COQ8B: variants seen among roughly 807,000 people sequenced by gnomAD.
COQ8B encodes the protein coenzyme Q8B, also known as atypical kinase COQ8B, mitochondrial.
COQ8B carries 44 observed loss-of-function variants against 62.0 expected under a neutral mutation model. The observed-to-expected ratio is 0.71, with a 90% CI of 0.56 to 0.91. COQ8B has a LOEUF of 0.91. Among genes scored for constraint, COQ8B ranks in the 40% least tolerant of loss-of-function variants. The pLI, the probability that COQ8B is intolerant of heterozygous loss-of-function variation, is 0.00. For synonymous variants in COQ8B, 252 were observed against 289.9 expected (o/e 0.87, Z 1.33); for missense variants, 649 against 731.6 (o/e 0.89, Z 1.30).
At chr19:40,707,168 C>CTGA (rs1252568473) in intron 5 of COQ8B, among the ~76,000 whole-genome samples, 2 of 151,828 alleles carry the variant, frequency 1.3e-5, no homozygotes, top group Non-Finnish European at 2.9e-5. Flanking sequence ...ACTCAGGAGG[C>CTGA]TGAGGCAGGA....
At chr19:40,707,125 T>C (rs2604888) in intron 5 of COQ8B, among the ~76,000 whole-genome samples, 91,847 of 151,652 alleles carry the variant, frequency 0.61, 28,209 homozygotes, top group East Asian at 0.71. Flanking sequence ...AAAAATTAGC[T>C]GGGCATGGTG....
At chr19:40,710,338 G>C in intron 4 of COQ8B, among the ~76,000 whole-genome samples, 1 of 152,152 alleles carries the variant, frequency 6.6e-6, no homozygotes, top group African/African-American at 2.4e-5. Flanking sequence ...TCCACCTCCC[G>C]GGTTCAAGCG....
At chr19:40,696,178 G>T in intron 12 of COQ8B, 124 bp from the exon 13 acceptor site, 1 of 1,093,580 alleles carries the variant, frequency 9.1e-7, no homozygotes. Context: ...TCCCTGCCTG[G>T]CTGCCTCACT....
At chr19:40,709,826 AG>A (rs769630532) in intron 5 of COQ8B, among the ~76,000 whole-genome samples, 1 of 152,076 alleles carries the variant, frequency 6.6e-6, no homozygotes, top group Non-Finnish European at 1.5e-5. Context: ...TGAGCGACAG[AG>A]TGAGACTCCA....
rs984066721 is a variant in COQ8B, at chr19:40,691,911, G to A, written c.*124C>T. The A allele has an allele frequency of 5.3e-6, 5 of 936,978 alleles. No individual in the cohort carries two copies. Among genetic ancestry groups the A allele is most frequent in the African/African-American group, 1.7e-5 (1 of 59,470 alleles). 58.0% of individuals were successfully genotyped at this position (936,978 alleles called of 1,614,324 possible). A position where few individuals can be genotyped will look rare whatever the true frequency, so the allele number is the denominator to read the frequency against. On this transcript the variant is annotated 3_prime_UTR_variant, in exon 15 of 15. Coordinates refer to ENST00000324464, the MANE Select transcript of COQ8B (RefSeq NM_024876.4). ...GGATCCTGAGCTCCTGGGCCAAGGAGGAGAGCCAGGCAAGACTGGGAAGCC... is the reference window on the plus strand; with the variant it reads ...GGATCCTGAGCTCCTGGGCCAAGGAAGAGAGCCAGGCAAGACTGGGAAGCC...
In COQ8B at chr19:40,691,947, C is replaced by G; in HGVS notation, c.*88G>C. ...CAAGACTGGGAAGCCCAAGGGGGCT[C>G]CTCTGACCCAGGGCAGACGGGGAAG... On this transcript the variant is annotated 3_prime_UTR_variant, in exon 15 of 15. Coordinates refer to ENST00000324464, the MANE Select transcript of COQ8B (RefSeq NM_024876.4). The G allele has an allele frequency of 7.7e-7, 1 of 1,305,634 alleles. No individual in the cohort carries two copies. The highest frequency in any genetic ancestry group is 1.8e-5 in the South Asian group (1 of 55,210). 80.9% of individuals were successfully genotyped at this position (1,305,634 alleles called of 1,614,324 possible).
Position 40,692,319 on chromosome 19 carries a change from TGGCGAAAGGC to T in COQ8B, c.1341_1350del (p.Phe449ArgfsTer?). 1 of 1,613,542 alleles carries T rather than the reference TGGCGAAAGGC, an allele frequency of 6.2e-7. No individual in the cohort carries two copies. ...GACCCAAAGTCATAAGGGCCCTGGG[TGGCGAAAGGC>T]TCCCCCAGGATCATCACTGCCTCCA... On this transcript the variant is annotated frameshift_variant, in exon 15 of 15. Transcript: ENST00000324464. LOFTEE classifies it low-confidence loss of function (END_TRUNC).
chr19:40,701,632 G>T (rs931719530), intron 10 of COQ8B, among the ~76,000 whole-genome samples: 2 of 152,042 alleles, frequency 1.3e-5, no homozygotes, highest in Non-Finnish European at 2.9e-5. Flanking sequence ...GCATTTAATC[G>T]GCACACTCCC....
chr19:40,705,341 C>T lies in COQ8B; in HGVS notation c.474G>A (p.Gln158=), dbSNP rs1260880359. Residue 158 remains glutamine, a synonymous_variant, in exon 6 of 15, where the codon CAG becomes CAA. Transcript: ENST00000324464. ...ATGCTGTACCCTGGATGCTGAGCAT[C>T]TGGCCAACCTTGAGGGCGGCCCCTC... The part of the protein sequence containing the change: ...TVRGAALKVG[Q]MLSIQDNSFI... 1 of 1,594,686 alleles carries T rather than the reference C, an allele frequency of 6.3e-7. No individual in the cohort carries two copies. The highest frequency in any genetic ancestry group is 8.6e-7 in the Non-Finnish European group (1 of 1,165,176).
At chr19:40,711,389 G>T (rs1013647628) in intron 4 of COQ8B, among the ~76,000 whole-genome samples, 28 of 151,828 alleles carry the variant, frequency 1.8e-4, no homozygotes, top group African/African-American at 6.0e-4. Context: ...ATACCACCAC[G>T]CTCACCTAAT....
intron 10 of COQ8B, among the ~76,000 whole-genome samples, chr19:40,702,291 C>T (rs2082066076): frequency 6.6e-6 from 1 of 151,252 alleles, no homozygotes; most frequent in South Asian, 2.1e-4. Context: ...CCTTGCTCTC[C>T]GTCAGTCCAG....
chr19:40,697,991 G>A (rs1022122693), intron 12 of COQ8B, among the ~76,000 whole-genome samples: 8 of 150,452 alleles, frequency 5.3e-5, no homozygotes, highest in Non-Finnish European at 7.4e-5. Flanking sequence ...CAAGGCAGGC[G>A]GATCACCTGA....
At chr19:40,697,851 T>TATATATATATAGAGAGAGAGAGAGAGAG (rs1446181673) in intron 12 of COQ8B, among the ~76,000 whole-genome samples, 2 of 54,758 alleles carry the variant, frequency 3.7e-5, no homozygotes, top group Non-Finnish European at 6.3e-5. Context: ...TATATATATA[T>TATATATATATAGAGAGAGAGAGAGAGAG]AGAGAGAGAG....
chr19:40,696,183 C>T, intron 12 of COQ8B, 129 bp from the exon 13 acceptor site: 1 of 1,000,728 alleles, frequency 1.0e-6, no homozygotes, highest in South Asian at 1.3e-5. Context: ...GCCTGGCTGC[C>T]TCACTGGGCT....
At chr19:40,697,842 A>AT (rs1463402129) in intron 12 of COQ8B, among the ~76,000 whole-genome samples, 2 of 97,032 alleles carry the variant, frequency 2.1e-5, no homozygotes, top group East Asian at 2.9e-4. Context: ...ATATATATAT[A>AT]TATATATATA....
At chr19:40,698,292 T>TAA (rs889484186) in intron 12 of COQ8B, among the ~76,000 whole-genome samples, 1,719 of 132,608 alleles carry the variant, frequency 0.013, 39 homozygotes, top group African/African-American at 0.045. Context: ...ATCTATTCCA[T>TAA]AAAAAAAAAA....
rs376750623 is a variant in COQ8B, at chr19:40,714,584, C to G, written c.49G>C (p.Gly17Arg). Residue 17 changes from glycine (G) to arginine (R), a missense_variant, in exon 2 of 15, where the codon GGC becomes CGC. Gly to Arg is a moderately radical substitution (Grantham distance 125). Coordinates refer to ENST00000324464, the MANE Select transcript of COQ8B (RefSeq NM_024876.4). ...CCACAAGGCCAACCAACAGTCTGGC[C>G]CAGCTGTCCACCGGTCCCCCGAAGT... is the stretch of plus-strand genomic sequence containing the variant. ...GLLRGTGGQLGQTVGWPCGAL... is the reference protein window; with the variant it reads ...GLLRGTGGQLRQTVGWPCGAL... The G allele has an allele frequency of 2.2e-5, 36 of 1,613,100 alleles. No homozygotes were observed. Among genetic ancestry groups the G allele is most frequent in the Non-Finnish European group, 3.0e-5 (35 of 1,179,728 alleles).
intron 9 of COQ8B, chr19:40,703,283 A>C (rs961203843): frequency 1.1e-5 from 5 of 471,596 alleles, no homozygotes; most frequent in South Asian, 3.1e-5. Context: ...CTGCATGCAC[A>C]CCCTCTGAGA....
intron 13 of COQ8B, among the ~76,000 whole-genome samples, chr19:40,695,319 A>AT (rs1451042496): frequency 6.6e-6 from 1 of 151,370 alleles, no homozygotes; most frequent in African/African-American, 2.4e-5. Flanking sequence ...CTCTGTCTCA[A>AT]TTAAAAAAAA....
Sources: gnomAD v4.1 joint callset for allele counts (sites outside exome capture counted in the v4.1 genomes callset) on GRCh38, gnomAD v4.1.1 for gene constraint, MANE v1.5 for transcripts, NCBI Gene and HGNC (gene_info 2026-07-23, HGNC 2026-07-21) for gene names.